Variants in LRRC49 observed in about 807,000 individuals in gnomAD.
LRRC49 encodes leucine rich repeat containing 49, also known as leucine-rich repeat-containing protein 49.
A neutral mutation model predicts 83.3 loss-of-function variants in LRRC49; 50 were observed. The observed-to-expected ratio is 0.60, with a 90% CI of 0.48 to 0.76. The LOEUF (loss-of-function observed/expected upper bound fraction) is 0.76. Among genes scored for constraint, LRRC49 ranks in the 30% least tolerant of loss-of-function variants. The pLI is 0.00. For synonymous variants in LRRC49, 286 were observed against 283.3 expected (o/e 1.01, Z -0.10); for missense variants, 704 against 809.1 (o/e 0.87, Z 1.58).
At chr15:70,992,416 G>GT (rs951957476) in intron 11 of LRRC49, among the ~76,000 whole-genome samples, 3 of 152,208 alleles carry the variant, frequency 2.0e-5, no homozygotes, top group Non-Finnish European at 2.9e-5. Context: ...TTTCTGCTCT[G>GT]TTTTTTCCCC....
chr15:70,860,611 A>G (rs2032766956), intron 1 of LRRC49, among the ~76,000 whole-genome samples: 1 of 152,066 alleles, frequency 6.6e-6, no homozygotes, highest in South Asian at 2.1e-4. Flanking sequence ...GGGTCTTTCT[A>G]TGTTGTCCAG....
intron 1 of LRRC49, among the ~76,000 whole-genome samples, chr15:70,869,576 G>A (rs2141074971): frequency 1.3e-5 from 2 of 152,232 alleles, no homozygotes; most frequent in Admixed American, 1.3e-4. Flanking sequence ...TAGGCTGTGT[G>A]CAAGCAGAGG....
chr15:70,989,255 C>A (rs999517102), intron 11 of LRRC49, among the ~76,000 whole-genome samples: 2 of 152,154 alleles, frequency 1.3e-5, no homozygotes, highest in African/African-American at 4.8e-5. Flanking sequence ...TCCATTCTCC[C>A]CATCACTTTC....
At chr15:70,968,498 A>G (rs2036875487) in intron 9 of LRRC49, among the ~76,000 whole-genome samples, 1 of 152,210 alleles carries the variant, frequency 6.6e-6, no homozygotes, top group South Asian at 2.1e-4. Context: ...GTATATACCC[A>G]GTAATGGGAT....
At chr15:70,940,338 G>A (rs926492993) in intron 8 of LRRC49, among the ~76,000 whole-genome samples, 6 of 146,276 alleles carry the variant, frequency 4.1e-5, no homozygotes, top group Non-Finnish European at 8.9e-5. Flanking sequence ...CTCACTGCAA[G>A]CTCCGCCTCC....
chr15:70,900,985 A>C lies in LRRC49; in HGVS notation c.257A>C (p.Glu86Ala), dbSNP rs138679214. The C allele has an allele frequency of 4.0e-4, 637 of 1,611,096 alleles. No homozygotes were observed. The highest frequency in any genetic ancestry group is 5.2e-4 in the Non-Finnish European group (612 of 1,178,426). ...SSFPILQRSS[E>A]EKILYSDRLS... ...TTTCCTATTCTTCAACGTTCTTCTG[A>C]AGAGAAAATTCTTTACTCAGACAGG... The change falls in exon 4 of 16, where the codon GAA becomes GCA. Residue 86 changes from glutamate (E) to alanine (A), a missense_variant. By Grantham distance (107) the Glu-to-Ala change is moderately radical. Transcript: ENST00000260382.
chr15:71,018,664 C>T (rs1245767072), intron 14 of LRRC49, among the ~76,000 whole-genome samples: 1 of 152,138 alleles, frequency 6.6e-6, no homozygotes, highest in African/African-American at 2.4e-5. Context: ...CAGCAGACAC[C>T]AGCTGGGTGC....
At chr15:70,942,095 C>G (rs1380373560) in intron 8 of LRRC49, among the ~76,000 whole-genome samples, 1 of 148,196 alleles carries the variant, frequency 6.7e-6, no homozygotes, top group African/African-American at 2.5e-5. Context: ...GAGAGTTTTT[C>G]TAAAAAGAAG....
At chr15:70,868,403 C>T (rs2032957298) in intron 1 of LRRC49, among the ~76,000 whole-genome samples, 1 of 152,214 alleles carries the variant, frequency 6.6e-6, no homozygotes. Context: ...ACTTATGTTA[C>T]ATCACACTGT....
At chr15:71,034,927 G>A (rs1596167405) in intron 14 of LRRC49, among the ~76,000 whole-genome samples, 1 of 151,844 alleles carries the variant, frequency 6.6e-6, no homozygotes, top group Non-Finnish European at 1.5e-5. Context: ...AGGATAAATA[G>A]CTAATGCATG....
chr15:70,875,548 TG>T (rs1378076827), intron 2 of LRRC49, among the ~76,000 whole-genome samples: 1 of 152,200 alleles, frequency 6.6e-6, no homozygotes, highest in Non-Finnish European at 1.5e-5. Context: ...ATAACTAGAA[TG>T]GAAGCCTAGG....
At chr15:70,882,303 C>T (rs1230065606) in intron 2 of LRRC49, 1 of 627,926 alleles carries the variant, frequency 1.6e-6, no homozygotes, top group Non-Finnish European at 2.7e-6. Context: ...TGTTGGCAAG[C>T]AAGCAAACTT....
intron 1 of LRRC49, among the ~76,000 whole-genome samples, chr15:70,871,241 C>A (rs1251981055): frequency 6.6e-6 from 1 of 151,966 alleles, no homozygotes; most frequent in African/African-American, 2.4e-5. Flanking sequence ...GTGGACACAG[C>A]ACATGTTTCA....
intron 9 of LRRC49, among the ~76,000 whole-genome samples, chr15:70,965,125 C>G (rs1045063942): frequency 6.6e-6 from 1 of 152,116 alleles, no homozygotes; most frequent in Admixed American, 6.6e-5. Context: ...ATCTCCATGT[C>G]TTTCTTAGTT....
chr15:71,010,403 G>A (rs889108062), intron 13 of LRRC49, among the ~76,000 whole-genome samples: 2 of 151,722 alleles, frequency 1.3e-5, no homozygotes, highest in Non-Finnish European at 2.9e-5. Context: ...ACTAATAAGG[G>A]TATTGTGGTA....
At chr15:70,914,365 TTGG>T (rs2034674342) in intron 6 of LRRC49, among the ~76,000 whole-genome samples, 1 of 152,168 alleles carries the variant, frequency 6.6e-6, no homozygotes, top group African/African-American at 2.4e-5. Flanking sequence ...AAAAATATGC[TTGG>T]TGCACATTGT....
At chr15:70,906,317 G>A (rs932713757) in intron 5 of LRRC49, among the ~76,000 whole-genome samples, 6 of 152,066 alleles carry the variant, frequency 3.9e-5, no homozygotes, top group Non-Finnish European at 5.9e-5. Context: ...GGATGGTCTC[G>A]ATTTCTTGAC....
intron 1 of LRRC49, among the ~76,000 whole-genome samples, chr15:70,862,878 A>T (rs913878855): frequency 6.6e-6 from 1 of 152,122 alleles, no homozygotes; most frequent in Non-Finnish European, 1.5e-5. Context: ...TCAAAGATGC[A>T]TTTCTCATGT....
At chr15:70,923,524 T>A (rs2035083309) in intron 7 of LRRC49, among the ~76,000 whole-genome samples, 1 of 151,988 alleles carries the variant, frequency 6.6e-6, no homozygotes, top group Admixed American at 6.5e-5. Flanking sequence ...TGCCAGGCAT[T>A]GTTCTAGGTA....
Sources: gnomAD v4.1 joint callset for allele counts (sites outside exome capture counted in the v4.1 genomes callset) on GRCh38, gnomAD v4.1.1 for gene constraint, MANE v1.5 for transcripts, NCBI Gene and HGNC (gene_info 2026-07-23, HGNC 2026-07-21) for gene names.